The following NFIL3 variants were observed in gnomAD, a reference collection of about 807,000 sequenced individuals.
NFIL3 encodes nuclear factor interleukin-3-regulated protein.
In NFIL3, 5 loss-of-function variants were observed where a neutral mutation model predicts 10.0. That is an observed-to-expected ratio of 0.50 (90% confidence interval 0.26 to 1.06). The LOEUF (loss-of-function observed/expected upper bound fraction) is 1.06. Among genes scored for constraint, NFIL3 ranks in the 50% least tolerant of loss-of-function variants. NFIL3 has a pLI of 0.13. For missense variants in NFIL3, 436 were observed against 547.6 expected (o/e 0.80, Z 2.03); for synonymous variants, 202 against 206.5 (o/e 0.98, Z 0.19).
the NFIL3 span, among the ~76,000 whole-genome samples, chr9:91,448,020 A>T: frequency 6.6e-6 from 1 of 152,206 alleles, no homozygotes; most frequent in African/African-American, 2.4e-5. Context: ...ATACTTTTGT[A>T]TGTAATATGA....
At chr9:91,420,170 T>G (rs1300006041) in intron 1 of NFIL3, among the ~76,000 whole-genome samples, 1 of 152,166 alleles carries the variant, frequency 6.6e-6, no homozygotes, top group East Asian at 1.9e-4. Flanking sequence ...AGTTTGAGGT[T>G]CTGCAATCCT....
At chr9:91,415,524 C>T (rs1451809464) in intron 1 of NFIL3, among the ~76,000 whole-genome samples, 1 of 152,162 alleles carries the variant, frequency 6.6e-6, no homozygotes, top group Non-Finnish European at 1.5e-5. Context: ...CATTTACACA[C>T]AGTTCTCTTT....
At chr9:91,467,575 T>C in the NFIL3 span, among the ~76,000 whole-genome samples, 2 of 152,188 alleles carry the variant, frequency 1.3e-5, no homozygotes, top group Non-Finnish European at 2.9e-5. Context: ...CTAGGGTACA[T>C]GTACATAACG....
Position 91,410,213 on chromosome 9 carries a change from A to G in NFIL3, c.522T>C (p.Ser174=). ...GAGAGTGTTTAATGACAGAAATACAACTACTTGACACCATCGAGGGTTCGT... is the reference window on the plus strand; with the variant it reads ...GAGAGTGTTTAATGACAGAAATACAGCTACTTGACACCATCGAGGGTTCGT... ...DEHEPSMVSS[S]CISVIKHSPQ... The change falls in exon 2 of 2, where the codon AGT becomes AGC. Residue 174 remains serine, a synonymous_variant. Coordinates refer to ENST00000297689, the MANE Select transcript of NFIL3 (RefSeq NM_005384.3). The surrounding 1 kb of genome is among the most constrained non-coding windows in gnomAD (Gnocchi z 5.7). The G allele has an allele frequency of 6.2e-7, 1 of 1,614,082 alleles. No homozygotes were observed. The highest frequency in any genetic ancestry group is 1.6e-4 in the Middle Eastern group (1 of 6,062).
At chr9:91,478,222 T>C in the NFIL3 span, among the ~76,000 whole-genome samples, 1 of 152,192 alleles carries the variant, frequency 6.6e-6, no homozygotes, top group Non-Finnish European at 1.5e-5. Flanking sequence ...GAAGTTCTCC[T>C]GGATAATATC....
At chr9:91,439,989 T>C in the NFIL3 span, among the ~76,000 whole-genome samples, 1 of 152,152 alleles carries the variant, frequency 6.6e-6, no homozygotes, top group East Asian at 1.9e-4. Context: ...TCTTGTGATG[T>C]CTTTGTCTGG....
At chr9:91,471,769 G>A in the NFIL3 span, among the ~76,000 whole-genome samples, 6 of 151,856 alleles carry the variant, frequency 4.0e-5, no homozygotes, top group South Asian at 2.1e-4. Flanking sequence ...GTTATTTTGC[G>A]CATTAGTTGA....
the NFIL3 span, among the ~76,000 whole-genome samples, chr9:91,444,786 T>C: frequency 6.6e-6 from 1 of 152,232 alleles, no homozygotes; most frequent in South Asian, 2.1e-4. Flanking sequence ...GTTATTAGGA[T>C]TCTTGGTGGC....
At chr9:91,416,583 G>A (rs1313465225) in intron 1 of NFIL3, among the ~76,000 whole-genome samples, 1 of 152,086 alleles carries the variant, frequency 6.6e-6, no homozygotes, top group African/African-American at 2.4e-5. Context: ...AGTGTATTCA[G>A]CACGATTAAC....
chr9:91,459,017 A>C, the NFIL3 span, among the ~76,000 whole-genome samples: 1 of 152,186 alleles, frequency 6.6e-6, no homozygotes. Context: ...AGGTGCGAAA[A>C]ACTGGTCAGG....
At chr9:91,482,136 C>T in the NFIL3 span, among the ~76,000 whole-genome samples, 1 of 152,130 alleles carries the variant, frequency 6.6e-6, no homozygotes, top group East Asian at 1.9e-4. Flanking sequence ...TACCCTTTGG[C>T]CCTACAATCT....
At chr9:91,469,582 G>T in the NFIL3 span, among the ~76,000 whole-genome samples, 5 of 152,106 alleles carry the variant, frequency 3.3e-5, no homozygotes, top group Non-Finnish European at 7.4e-5. Context: ...ATAGGAGTGG[G>T]GAGAGAGAGC....
At chr9:91,482,176 A>G in the NFIL3 span, among the ~76,000 whole-genome samples, 1 of 152,320 alleles carries the variant, frequency 6.6e-6, no homozygotes, top group East Asian at 1.9e-4. Flanking sequence ...TATAAAAATA[A>G]AAGTATCTGT....
At chr9:91,412,057 AC>A (rs1418390734) in intron 1 of NFIL3, among the ~76,000 whole-genome samples, 2 of 140,008 alleles carry the variant, frequency 1.4e-5, no homozygotes, top group African/African-American at 5.5e-5. Context: ...AGCTGAGATC[AC>A]GCCACTGCAC....
chr9:91,436,576 TCAACAA>T, the NFIL3 span, among the ~76,000 whole-genome samples: 20,620 of 138,584 alleles, frequency 0.15, 1,470 homozygotes, highest in South Asian at 0.2. Flanking sequence ...AGACTCTGCC[TCAACAA>T]CAACAACAAC....
the NFIL3 span, among the ~76,000 whole-genome samples, chr9:91,481,856 AAT>A: frequency 6.6e-6 from 1 of 152,206 alleles, no homozygotes; most frequent in Non-Finnish European, 1.5e-5. Context: ...ATAAAATATT[AAT>A]AGATAGTTTT....
the NFIL3 span, among the ~76,000 whole-genome samples, chr9:91,438,527 ATCTT>A: frequency 6.6e-6 from 1 of 152,072 alleles, no homozygotes; most frequent in Non-Finnish European, 1.5e-5. Flanking sequence ...CCATTTACTT[ATCTT>A]TACATTTGTA....
chr9:91,471,896 C>T, the NFIL3 span, among the ~76,000 whole-genome samples: 3 of 152,104 alleles, frequency 2.0e-5, no homozygotes, highest in Non-Finnish European at 2.9e-5. Flanking sequence ...TAAGACAGGC[C>T]TGGTGGTGAC....
the NFIL3 span, among the ~76,000 whole-genome samples, chr9:91,466,349 C>T: frequency 6.6e-6 from 1 of 152,256 alleles, no homozygotes; most frequent in African/African-American, 2.4e-5. Context: ...AGCTGAGATG[C>T]TTCCTGAGAA....
Sources: allele counts gnomAD v4.1 joint callset (sites outside exome capture counted in the v4.1 genomes callset), GRCh38; gene constraint gnomAD v4.1.1; non-coding constraint Gnocchi (gnomAD v3.1); transcripts MANE v1.5; gene names NCBI Gene and HGNC (gene_info 2026-07-23, HGNC 2026-07-21).